The following EML2 variants were observed in gnomAD, a reference collection of about 807,000 sequenced individuals.
EML2 encodes the protein EMAP like 2, also known as echinoderm microtubule-associated protein-like 2.
In EML2, 59 loss-of-function variants were observed where a neutral mutation model predicts 84.7. The observed-to-expected ratio is 0.70, with a 90% CI of 0.56 to 0.86. The LOEUF is 0.86. Ranked by LOEUF, EML2 falls within the 40% of genes least tolerant of loss-of-function variation. EML2 has a pLI of 0.00. For synonymous variants in EML2, 352 were observed against 348.9 expected, an observed-to-expected ratio of 1.01 and a Z score of -0.10; for missense variants, 818 against 855.6, an observed-to-expected ratio of 0.96 and a Z score of 0.55.
chr19:45,639,501 G>C, upstream of EML2: 1 of 1,040,630 alleles, frequency 9.6e-7, no homozygotes, highest in Non-Finnish European at 1.2e-6. Flanking sequence ...CCTGGAGCCG[G>C]AGGGTCCCAC....
intron 3 of EML2, among the ~76,000 whole-genome samples, chr19:45,637,588 C>G (rs1973881307): frequency 6.6e-6 from 1 of 150,548 alleles, no homozygotes; most frequent in African/African-American, 2.4e-5. Context: ...AAGTGATGCT[C>G]CCACCTCAGC....
intron 15 of EML2, chr19:45,616,114 C>A (rs1971026733): frequency 1.1e-5 from 6 of 571,266 alleles, no homozygotes; most frequent in South Asian, 1.0e-4. Context: ...ACTTAGAACA[C>A]AATGGGAGTT....
At position 45,609,547 on chromosome 19, in the gene EML2, G is replaced by GC; in HGVS notation, c.*115dup. 8.3e-6 allele frequency: 4 copies of GC among 482,584 alleles called. No individual in the cohort carries two copies. The highest frequency in any genetic ancestry group is 1.2e-5 in the Non-Finnish European group (4 of 327,540). The allele number at this position is 482,584 out of a possible 1,614,324, so 29.9% of individuals were successfully genotyped here. A position where few individuals can be genotyped will look rare whatever the true frequency, so the allele number is the denominator to read the frequency against. On this transcript the variant is annotated 3_prime_UTR_variant, in exon 19 of 19. Coordinates refer to ENST00000245925, the MANE Select transcript of EML2 (RefSeq NM_012155.4). ...CTTCTGTATGTCAGTCTACCCTCCCGCCCCCATAACCCCCTCTGCTATAGA... is the reference window on the plus strand; with the variant it reads ...CTTCTGTATGTCAGTCTACCCTCCCGCCCCCCATAACCCCCTCTGCTATAGA...
In EML2 at chr19:45,610,224, C is replaced by T. The variant is rs528142722; in HGVS notation, c.1825-436G>A. Among the ~76,000 whole-genome samples the T allele has an allele frequency of 4.0e-5, 6 of 151,184 alleles. No homozygotes were observed. In the South Asian group the frequency reaches 6.3e-4, roughly 16 times the overall value. ...CATCCTGGCCAATATGGTGAAACCC[C>T]GTTCTCTACTAAAAATATAAAAATT... On this transcript the variant is annotated intron_variant, in intron 18 of 18. Coordinates refer to ENST00000245925, the MANE Select transcript of EML2 (RefSeq NM_012155.4).
At chr19:45,636,184 G>A (rs1354854224) in intron 3 of EML2, among the ~76,000 whole-genome samples, 4 of 152,004 alleles carry the variant, frequency 2.6e-5, no homozygotes, top group African/African-American at 4.8e-5. Context: ...ATGCTGCCCA[G>A]GCTGGTCTCA....
intron 3 of EML2, among the ~76,000 whole-genome samples, chr19:45,637,662 CTTTTCTTTTT>C (rs1378400785): frequency 0.023 from 1,075 of 45,750 alleles, 17 homozygotes; most frequent in African/African-American, 0.065. Context: ...TTTTCTTTTT[CTTTTCTTTTT>C]TTTTTTTTTT....
chr19:45,613,529 C>T lies in EML2; in HGVS notation c.1824+12G>A, dbSNP rs4445998. 49,552 of 1,613,418 alleles carry T rather than the reference C, an allele frequency of 0.031. 1,842 individuals are homozygous for T. The highest frequency in any genetic ancestry group is 0.15 in the African/African-American group (11,533 of 74,938). ...CTACCCCCGTCCATCCCCATCTCCC[C>T]AAGGGACTCACTCGAGGCTGACAGC... On this transcript the variant is annotated intron_variant, in intron 18 of 18. Transcript: ENST00000245925.
At chr19:45,612,054 AT>A (rs1970555906) in intron 18 of EML2, among the ~76,000 whole-genome samples, 1 of 147,340 alleles carries the variant, frequency 6.8e-6, no homozygotes, top group Admixed American at 6.7e-5. Flanking sequence ...GTATTTTTGT[AT>A]TCTTTTTTTT....
chr19:45,626,380 C>CTTTTTTTT (rs35850853), intron 8 of EML2, among the ~76,000 whole-genome samples: 1 of 79,434 alleles, frequency 1.3e-5, no homozygotes, highest in Non-Finnish European at 2.3e-5. Context: ...ATCCTCACAA[C>CTTTTTTTT]TTTTTTTTTT....
At chr19:45,612,826 AG>A (rs1429404870) in intron 18 of EML2, among the ~76,000 whole-genome samples, 12 of 152,168 alleles carry the variant, frequency 7.9e-5, no homozygotes, top group Middle Eastern at 3.2e-3. Context: ...AAAATTTCCT[AG>A]GAAAATGCTG....
Position 45,621,464 on chromosome 19 carries a change from G to T in EML2, c.996+19C>A. On this transcript the variant is annotated intron_variant, in intron 10 of 18. Transcript: ENST00000245925. ...GGGGGGCCTCTCTACCCCCATCTGA[G>T]CCCACTGCCCCTCCTCACCTCCACT... The T allele has an allele frequency of 6.2e-7, 1 of 1,604,356 alleles. No individual in the cohort carries two copies. The highest frequency in any genetic ancestry group is 1.1e-5 in the South Asian group (1 of 90,734).
At chr19:45,631,246 C>CATATTGTTTAACT (rs1972989025) in intron 6 of EML2, among the ~76,000 whole-genome samples, 1 of 152,096 alleles carries the variant, frequency 6.6e-6, no homozygotes, top group Non-Finnish European at 1.5e-5. Flanking sequence ...TGGCTTACCC[C>CATATTGTTTAACT]TACCCCAAGC....
chr19:45,629,928 G>T, intron 7 of EML2, 23 bp downstream of exon 7: 1 of 1,586,454 alleles, frequency 6.3e-7, no homozygotes, highest in Non-Finnish European at 8.7e-7. Context: ...CCCAGCAGGA[G>T]GGGATGAGAA....
intron 10 of EML2, 59 bp from the exon 11 acceptor site, chr19:45,621,391 C>G: frequency 6.4e-7 from 1 of 1,573,462 alleles, no homozygotes. Flanking sequence ...TGTGGGGTGA[C>G]ATACTGTGGG....
At chr19:45,635,201 T>C (rs1973581011) in intron 3 of EML2, among the ~76,000 whole-genome samples, 1 of 151,626 alleles carries the variant, frequency 6.6e-6, no homozygotes, top group Admixed American at 6.6e-5. Context: ...TGCAGTGGCA[T>C]GATCCCAGCT....
At chr19:45,613,749 G>A in intron 17 of EML2, 78 bp from the exon 18 acceptor site, 1 of 1,555,840 alleles carries the variant, frequency 6.4e-7, no homozygotes, top group African/African-American at 1.4e-5. Context: ...TGCCACTCCA[G>A]CCACCTTAAT....
intron 16 of EML2, among the ~76,000 whole-genome samples, chr19:45,615,255 G>C (rs1478671078): frequency 6.6e-6 from 1 of 151,638 alleles, no homozygotes; most frequent in Non-Finnish European, 1.5e-5. Flanking sequence ...CAAGAGAATC[G>C]CTTGAACCTG....
chr19:45,615,778 G>A, intron 16 of EML2, 24 bp downstream of exon 16: 2 of 1,589,018 alleles, frequency 1.3e-6, no homozygotes, highest in Non-Finnish European at 8.6e-7. Context: ...AGGAAGTAAT[G>A]TCTCTGGGTC....
Position 45,634,320 on chromosome 19 carries a change from A to T in EML2, c.329+2T>A, listed in dbSNP as rs1321680295. ...TCCCGTCCCCTCTGTCCCACATCTC[A>T]CCATTTGATGTCATCGTTGTGTCCC... is the stretch of plus-strand genomic sequence containing the variant. On this transcript the variant is annotated splice_donor_variant, in intron 4 of 18. Transcript: ENST00000245925. LOFTEE classifies it high-confidence loss of function. 2 of 1,612,874 alleles carry T rather than the reference A, an allele frequency of 1.2e-6. No homozygotes were observed. The highest frequency in any genetic ancestry group is 1.7e-6 in the Non-Finnish European group (2 of 1,179,274).
Sources: gnomAD v4.1 joint callset for allele counts (sites outside exome capture counted in the v4.1 genomes callset) on GRCh38, gnomAD v4.1.1 for gene constraint, MANE v1.5 for transcripts, NCBI Gene and HGNC (gene_info 2026-07-23, HGNC 2026-07-21) for gene names.